Variants in GRIK1 observed in about 807,000 individuals in gnomAD.
GRIK1 encodes glutamate ionotropic receptor kainate type subunit 1.
A neutral mutation model predicts 105.7 loss-of-function variants in GRIK1; 69 were observed. That is an observed-to-expected ratio of 0.65 (90% confidence interval 0.54 to 0.80). The LOEUF (loss-of-function observed/expected upper bound fraction) is 0.80, where lower values mean the gene tolerates loss of function less well. Ranked by LOEUF, GRIK1 falls within the 30% of genes least tolerant of loss-of-function variation. GRIK1 has a pLI of 0.00. For synonymous variants in GRIK1, 438 were observed against 431.3 expected (o/e 1.02, Z -0.19); for missense variants, 1,109 against 1,167.3 (o/e 0.95, Z 0.73).
intron 1 of GRIK1, among the ~76,000 whole-genome samples, chr21:29,713,680 T>G: frequency 6.6e-6 from 1 of 152,194 alleles, no homozygotes; most frequent in Non-Finnish European, 1.5e-5. Context: ...TCTTTAAGCT[T>G]GGCTATGAAG....
At chr21:29,599,596 C>T (rs2061479871) in intron 7 of GRIK1, among the ~76,000 whole-genome samples, 1 of 152,182 alleles carries the variant, frequency 6.6e-6, no homozygotes. Context: ...CTATTCTTTG[C>T]CTCCTTCTGC....
chr21:29,650,599 C>T lies in GRIK1; in HGVS notation c.954+519G>A, dbSNP rs909581251. Among the ~76,000 whole-genome samples, 12 of 152,268 alleles carry T rather than the reference C, an allele frequency of 7.9e-5. No homozygotes were observed. The South Asian group carries it at 1.0e-3, about 13-fold the overall frequency. On this transcript the variant is annotated intron_variant, in intron 6 of 17. Coordinates refer to ENST00000327783, the MANE Select transcript of GRIK1 (RefSeq NM_001330994.2). Reference sequence around the variant, plus strand: ...GCAGGTCTGGCATCTGCTTCAAGAGCGACATATGGCTGGTGTTAAACACTG... The same window carrying T: ...GCAGGTCTGGCATCTGCTTCAAGAGTGACATATGGCTGGTGTTAAACACTG...
At chr21:29,804,090 C>T (rs1172263836) in intron 1 of GRIK1, among the ~76,000 whole-genome samples, 1 of 152,106 alleles carries the variant, frequency 6.6e-6, no homozygotes, top group Non-Finnish European at 1.5e-5. Flanking sequence ...TTGACCCCAT[C>T]GTTTCAGTTA....
chr21:29,613,076 A>G (rs1188505773), intron 7 of GRIK1, among the ~76,000 whole-genome samples: 1 of 152,192 alleles, frequency 6.6e-6, no homozygotes, highest in African/African-American at 2.4e-5. Context: ...GCAAAAATTA[A>G]TAGTCTTTAT....
At chr21:29,591,265 G>T in intron 9 of GRIK1, 40 bp from the exon 10 acceptor site, 1 of 1,199,422 alleles carries the variant, frequency 8.3e-7, no homozygotes, top group Non-Finnish European at 1.2e-6. Context: ...CTGGCTGTCA[G>T]TGTGGCATTT....
At chr21:29,854,106 C>T (rs2068387843) in intron 1 of GRIK1, among the ~76,000 whole-genome samples, 2 of 152,066 alleles carry the variant, frequency 1.3e-5, no homozygotes, top group Admixed American at 6.5e-5. Flanking sequence ...GCAGGCTGTA[C>T]AAGAAGCATG....
At chr21:29,566,808 CATG>C (rs943581024) in intron 14 of GRIK1, among the ~76,000 whole-genome samples, 35 of 152,094 alleles carry the variant, frequency 2.3e-4, no homozygotes, top group Non-Finnish European at 5.0e-4. Context: ...TAGAACAGCA[CATG>C]AAGAAATGAG....
intron 1 of GRIK1, among the ~76,000 whole-genome samples, chr21:29,803,741 A>T (rs1337399991): frequency 6.6e-6 from 1 of 151,724 alleles, no homozygotes; most frequent in Admixed American, 6.6e-5. Flanking sequence ...AGGAAAAAAA[A>T]TATGTTTTTT....
At chr21:29,834,816 T>A (rs190534875) in intron 1 of GRIK1, among the ~76,000 whole-genome samples, 3,206 of 149,884 alleles carry the variant, frequency 0.021, 60 homozygotes, top group South Asian at 0.061. Context: ...TCAATATTAA[T>A]ATTGAATATT....
intron 1 of GRIK1, among the ~76,000 whole-genome samples, chr21:29,939,074 C>T (rs991107436): frequency 1.3e-5 from 2 of 152,222 alleles, no homozygotes; most frequent in South Asian, 4.2e-4. Flanking sequence ...TGCAGCGGCT[C>T]GCGATCCCTT....
intron 7 of GRIK1, among the ~76,000 whole-genome samples, chr21:29,640,721 T>C (rs937030682): frequency 2.6e-5 from 4 of 152,188 alleles, no homozygotes; most frequent in African/African-American, 4.8e-5. Flanking sequence ...TCATGTCACT[T>C]CTGCCTCTCC....
At chr21:29,836,323 A>G (rs1280104579) in intron 1 of GRIK1, among the ~76,000 whole-genome samples, 4 of 152,174 alleles carry the variant, frequency 2.6e-5, no homozygotes, top group Non-Finnish European at 5.9e-5. Context: ...GTACTAAGTC[A>G]GATGATCAGT....
intron 1 of GRIK1, among the ~76,000 whole-genome samples, chr21:29,701,722 G>A (rs2063816164): frequency 6.6e-6 from 1 of 152,198 alleles, no homozygotes; most frequent in Non-Finnish European, 1.5e-5. Context: ...CCTTGGAGAT[G>A]TTGCAATAAC....
chr21:29,720,562 G>C (rs1393066061), intron 1 of GRIK1, among the ~76,000 whole-genome samples: 1 of 151,974 alleles, frequency 6.6e-6, no homozygotes, highest in African/African-American at 2.4e-5. Flanking sequence ...ATGGCATATG[G>C]AGCTCATCCA....
chr21:29,670,273 A>C (rs765452586), intron 4 of GRIK1, among the ~76,000 whole-genome samples: 8 of 152,206 alleles, frequency 5.3e-5, no homozygotes, highest in Non-Finnish European at 8.8e-5. Context: ...ACATAGGCCA[A>C]AACATGATAA....
chr21:29,861,030 C>T (rs1384934486), intron 1 of GRIK1, among the ~76,000 whole-genome samples: 1 of 150,982 alleles, frequency 6.6e-6, no homozygotes, highest in Non-Finnish European at 1.5e-5. Flanking sequence ...AAAGTGGCTA[C>T]TAGAAAATTT....
Position 29,939,517 on chromosome 21 carries a change from T to A in GRIK1, c.-17A>T, listed in dbSNP as rs752397152. On this transcript the variant is annotated 5_prime_UTR_variant, in exon 1 of 18. Transcript: ENST00000327783. ...GTGCTCCATCTTCCTAGCTTCTTAATTCATGCCGAGATACAGCCGCTGCCG... is the reference window on the plus strand; with the variant it reads ...GTGCTCCATCTTCCTAGCTTCTTAAATCATGCCGAGATACAGCCGCTGCCG... The A allele has an allele frequency of 1.3e-6, 2 of 1,507,112 alleles. No individual in the cohort carries two copies. The highest frequency in any genetic ancestry group is 2.4e-5 in the South Asian group (2 of 82,970). 93.4% of individuals were successfully genotyped at this position (1,507,112 alleles called of 1,614,324 possible). A position where few individuals can be genotyped will look rare whatever the true frequency, so the allele number is the denominator to read the frequency against.
At chr21:29,686,453 G>A (rs2063488152) in intron 3 of GRIK1, among the ~76,000 whole-genome samples, 1 of 152,178 alleles carries the variant, frequency 6.6e-6, no homozygotes. Context: ...CCAAAACGAA[G>A]GAGTTTTGGA....
At chr21:29,802,564 C>A (rs1055811595) in intron 1 of GRIK1, among the ~76,000 whole-genome samples, 19 of 152,160 alleles carry the variant, frequency 1.2e-4, no homozygotes, top group Admixed American at 1.2e-3. Context: ...ATTCTGTCCT[C>A]CAAATTGATT....
Sources: gnomAD v4.1 joint callset for allele counts (sites outside exome capture counted in the v4.1 genomes callset) on GRCh38, gnomAD v4.1.1 for gene constraint, MANE v1.5 for transcripts, NCBI Gene and HGNC (gene_info 2026-07-23, HGNC 2026-07-21) for gene names.